The following WWOX variants were observed in gnomAD, a reference collection of about 807,000 sequenced individuals.
WWOX encodes WW domain-containing oxidoreductase.
A neutral mutation model predicts 46.2 loss-of-function variants in WWOX; 69 were observed. The ratio of observed to expected loss-of-function variants is 1.49; its 90% CI spans 1.23 to 1.82. The LOEUF (loss-of-function observed/expected upper bound fraction) is 1.82. WWOX is among the 40% of genes most tolerant of loss of function. The pLI, the probability that WWOX is intolerant of heterozygous loss-of-function variation, is 0.00. For missense variants in WWOX, 919 were observed against 542.6 expected (o/e 1.69, Z -6.89); for synonymous variants, 359 against 202.6 (o/e 1.77, Z -6.56).
intron 5 of WWOX, among the ~76,000 whole-genome samples, chr16:78,329,818 C>T (rs13336567): frequency 6.6e-6 from 1 of 151,254 alleles, no homozygotes; most frequent in East Asian, 1.9e-4. Context: ...AGAATCATAG[C>T]TCACTGCAGC....
intron 8 of WWOX, among the ~76,000 whole-genome samples, chr16:78,444,366 C>G (rs981848893): frequency 3.3e-5 from 5 of 151,966 alleles, no homozygotes; most frequent in African/African-American, 1.2e-4. Context: ...GTTAATAGAA[C>G]AGTTTAACTT....
chr16:78,356,071 T>TAAAAAAAAAAAAAAAAAAAAA (rs61113878), intron 5 of WWOX, among the ~76,000 whole-genome samples: 27 of 76,142 alleles, frequency 3.5e-4, no homozygotes, highest in African/African-American at 1.0e-3. Flanking sequence ...TTTTTTTTCC[T>TAAAAAAAAAAAAAAAAAAAAA]AAAAAAAAAA....
At chr16:78,660,032 A>C (rs1233802310) in intron 8 of WWOX, among the ~76,000 whole-genome samples, 16 of 152,108 alleles carry the variant, frequency 1.1e-4, no homozygotes, top group Admixed American at 5.9e-4. Flanking sequence ...TTTTACCTCA[A>C]AGCAAACACA....
rs149951240 is a variant in WWOX, at chr16:78,810,361, A to G, written c.1056+377609A>G. Among the ~76,000 whole-genome samples, 365 of 152,312 alleles carry G rather than the reference A, an allele frequency of 2.4e-3. 1 individual carries two copies. The highest frequency in any genetic ancestry group is 8.2e-3 in the African/African-American group (341 of 41,578). On this transcript the variant is annotated intron_variant, in intron 8 of 8. Coordinates refer to ENST00000566780, the MANE Select transcript of WWOX (RefSeq NM_016373.4). ...CCTCATATGATCAGCCGGTATATTT[A>G]TGTGGACACATGCAGCCACACTTGT...
intron 8 of WWOX, among the ~76,000 whole-genome samples, chr16:79,031,176 G>A (rs761130079): frequency 6.2e-4 from 95 of 152,132 alleles, no homozygotes; most frequent in Non-Finnish European, 6.0e-4. Flanking sequence ...TATGATATGC[G>A]GAAGCCTTCG....
chr16:78,992,681 C>G (rs1217448903), intron 8 of WWOX, among the ~76,000 whole-genome samples: 1 of 152,120 alleles, frequency 6.6e-6, no homozygotes, highest in African/African-American at 2.4e-5. Flanking sequence ...AGCCTCAAGC[C>G]TAACCAACAA....
At chr16:78,980,347 C>T (rs1183131691) in intron 8 of WWOX, among the ~76,000 whole-genome samples, 1 of 152,116 alleles carries the variant, frequency 6.6e-6, no homozygotes, top group African/African-American at 2.4e-5. Context: ...TTTGAGTAAA[C>T]ACTTGCACTG....
chr16:78,421,600 TC>T (rs1165718960), intron 6 of WWOX, among the ~76,000 whole-genome samples: 2 of 152,178 alleles, frequency 1.3e-5, no homozygotes, highest in Admixed American at 1.3e-4. Context: ...ACCATTCAAC[TC>T]ACAGATTCCT....
rs145424921 is a variant in WWOX, at chr16:78,649,323, T to C, written c.1056+216571T>C. The stretch of plus-strand genomic sequence containing the variant: ...TTTAGAGACAGAGTTTCACACTGTT[T>C]ACCAGATTGGAGTGCAGTGGTGCAA... On this transcript the variant is annotated intron_variant, in intron 8 of 8. Transcript: ENST00000566780. Among the ~76,000 whole-genome samples, 531 of 152,096 alleles carry C rather than the reference T, an allele frequency of 3.5e-3. 3 individuals are homozygous for C. Among genetic ancestry groups the C allele is most frequent in the Non-Finnish European group, 5.1e-3 (349 of 67,980 alleles).
chr16:78,498,485 C>T (rs1249729465), intron 8 of WWOX, among the ~76,000 whole-genome samples: 2 of 152,124 alleles, frequency 1.3e-5, no homozygotes, highest in South Asian at 2.1e-4. Flanking sequence ...ACTCTACCCA[C>T]TGAGAAGCAC....
chr16:78,623,548 C>T (rs554572499), intron 8 of WWOX, among the ~76,000 whole-genome samples: 26 of 151,992 alleles, frequency 1.7e-4, no homozygotes, highest in African/African-American at 4.3e-4. Flanking sequence ...GGCATGGTGG[C>T]GCATGCTTGT....
At chr16:78,485,159 A>G (rs182451454) in intron 8 of WWOX, among the ~76,000 whole-genome samples, 19 of 152,308 alleles carry the variant, frequency 1.2e-4, no homozygotes, top group African/African-American at 4.1e-4. Context: ...AAAAATTAAT[A>G]AAGTTTATTT....
chr16:79,066,397 C>T (rs114502544), intron 8 of WWOX, among the ~76,000 whole-genome samples: 2,377 of 152,226 alleles, frequency 0.016, 77 homozygotes, highest in African/African-American at 0.055. Flanking sequence ...AGGAATCTGC[C>T]TTCGTCACCA....
intron 8 of WWOX, among the ~76,000 whole-genome samples, chr16:78,605,122 C>A (rs1053074456): frequency 6.6e-6 from 1 of 150,608 alleles, no homozygotes; most frequent in Admixed American, 6.6e-5. Flanking sequence ...TCTGTGTTAG[C>A]CTGGCTAGCT....
chr16:79,170,833 C>T (rs1353054653), intron 8 of WWOX, among the ~76,000 whole-genome samples: 4 of 152,034 alleles, frequency 2.6e-5, no homozygotes, highest in Non-Finnish European at 5.9e-5. Flanking sequence ...GAGGTCTTTC[C>T]AGGTTTGAGG....
intron 8 of WWOX, among the ~76,000 whole-genome samples, chr16:78,804,818 A>T (rs185389554): frequency 3.6e-4 from 55 of 152,358 alleles, no homozygotes; most frequent in African/African-American, 1.1e-3. Context: ...AGAAAAAAAA[A>T]TCCTGTTTAT....
At chr16:79,099,833 C>T (rs749859437) in intron 8 of WWOX, among the ~76,000 whole-genome samples, 2 of 152,054 alleles carry the variant, frequency 1.3e-5, no homozygotes, top group African/African-American at 4.8e-5. Flanking sequence ...TAAATCAGAG[C>T]AACAGCATGA....
At chr16:78,143,499 G>T (rs145313316) in intron 4 of WWOX, among the ~76,000 whole-genome samples, 1 of 152,146 alleles carries the variant, frequency 6.6e-6, no homozygotes, top group African/African-American at 2.4e-5. Context: ...GGTGCTCATC[G>T]TTTACATATC....
intron 8 of WWOX, among the ~76,000 whole-genome samples, chr16:78,859,020 AAAAAAAAAT>A (rs1567608503): frequency 8.8e-5 from 3 of 34,056 alleles, no homozygotes; most frequent in Non-Finnish European, 1.7e-4. Context: ...AAAAAAAAAA[AAAAAAAAAT>A]ATATATATAT....
Sources: allele counts gnomAD v4.1 joint callset (sites outside exome capture counted in the v4.1 genomes callset), GRCh38; gene constraint gnomAD v4.1.1; transcripts MANE v1.5; gene names NCBI Gene and HGNC (gene_info 2026-07-23, HGNC 2026-07-21).